The following KIF26B variants were observed in gnomAD, a reference collection of about 807,000 sequenced individuals.
KIF26B encodes the protein kinesin-like protein KIF26B.
A neutral mutation model predicts 151.2 loss-of-function variants in KIF26B; 63 were observed. The observed-to-expected ratio is 0.42, with a 90% CI of 0.34 to 0.51. The LOEUF is 0.51. KIF26B is among the 20% of genes least tolerant of loss of function. The pLI is 0.07. For missense variants in KIF26B, 2,813 were observed against 2,913.6 expected, an observed-to-expected ratio of 0.97 and a Z score of 0.79; for synonymous variants, 1,357 against 1,262.1, an observed-to-expected ratio of 1.08 and a Z score of -1.59.
intron 5 of KIF26B, among the ~76,000 whole-genome samples, chr1:245,574,864 CTTT>C (rs201010492): frequency 6.3e-5 from 8 of 126,286 alleles, no homozygotes; most frequent in Non-Finnish European, 1.2e-4. Flanking sequence ...TTTTTTTTTT[CTTT>C]TTTTTTTTTT....
chr1:245,686,476 A>C lies in KIF26B; in HGVS notation c.3493A>C (p.Lys1165Gln). 1 of 1,613,172 alleles carries C rather than the reference A, an allele frequency of 6.2e-7. No homozygotes were observed. Among genetic ancestry groups the C allele is most frequent in the Non-Finnish European group, 8.5e-7 (1 of 1,179,870 alleles). The change falls in exon 12 of 15, where the codon AAG (lysine) becomes CAG (glutamine). Residue 1165 changes from lysine to glutamine, a missense_variant. Transcript: ENST00000407071. The surrounding 1 kb of genome is among the most constrained non-coding windows in gnomAD (Gnocchi z 5.6). ...GCAGGCAGCTACTCCTTCAGAGTCC[A>C]AGAAGGAGATCCTGAGCACCACGAT... ...EQQAATPSESKKEILSTTMVT... is the reference protein window; with the variant it reads ...EQQAATPSESQKEILSTTMVT...
At chr1:245,550,958 A>C (rs1396375760) in intron 5 of KIF26B, among the ~76,000 whole-genome samples, 2 of 152,194 alleles carry the variant, frequency 1.3e-5, no homozygotes, top group African/African-American at 4.8e-5. Flanking sequence ...AAGCAGGACA[A>C]AGGGCCCTGG....
intron 4 of KIF26B, among the ~76,000 whole-genome samples, chr1:245,480,273 T>TC (rs1266728277): frequency 7.1e-6 from 1 of 140,994 alleles, no homozygotes; most frequent in African/African-American, 2.7e-5. Context: ...AGACCCTGTC[T>TC]CGGGGGGGAG....
At chr1:245,473,108 A>G (rs12134117) in intron 4 of KIF26B, among the ~76,000 whole-genome samples, 11,598 of 152,312 alleles carry the variant, frequency 0.076, 464 homozygotes, top group Middle Eastern at 0.14. Flanking sequence ...TGGCAAATCA[A>G]TACAGTCAAG....
At chr1:245,331,163 C>T (rs1672101949) in intron 2 of KIF26B, among the ~76,000 whole-genome samples, 1 of 152,010 alleles carries the variant, frequency 6.6e-6, no homozygotes, top group Non-Finnish European at 1.5e-5. Flanking sequence ...GAGCCTGCTG[C>T]GGAGGCACAG....
chr1:245,572,557 C>T lies in KIF26B; in HGVS notation c.1351-30020C>T, dbSNP rs543337794. Among the ~76,000 whole-genome samples the T allele has an allele frequency of 3.3e-5, 5 of 152,214 alleles. No homozygotes were observed. The South Asian group carries it at 6.2e-4, about 19-fold the overall frequency. On this transcript the variant is annotated intron_variant, in intron 5 of 14. Coordinates refer to ENST00000407071, the MANE Select transcript of KIF26B (RefSeq NM_018012.4). The surrounding 1 kb of genome is among the most constrained non-coding windows in gnomAD (Gnocchi z 4.2). ...TGAACACTCAGTTAAAATTCCTACT[C>T]GCTGCAGTGGGAAATTTTATGTTAT... is the stretch of plus-strand genomic sequence containing the variant.
intron 2 of KIF26B, among the ~76,000 whole-genome samples, chr1:245,286,987 T>C (rs566555102): frequency 1.3e-5 from 2 of 152,192 alleles, no homozygotes; most frequent in African/African-American, 4.8e-5. Flanking sequence ...CATGTGCCTG[T>C]AATCCCAGCT....
intron 6 of KIF26B, among the ~76,000 whole-genome samples, chr1:245,607,195 A>T (rs945372237): frequency 6.6e-6 from 1 of 152,078 alleles, no homozygotes; most frequent in Admixed American, 6.5e-5. Context: ...TCAAGGTCTC[A>T]CTTGTGAAAT....
intron 10 of KIF26B, among the ~76,000 whole-genome samples, chr1:245,653,353 AG>A (rs1186311562): frequency 6.6e-6 from 1 of 152,194 alleles, no homozygotes; most frequent in Admixed American, 6.5e-5. Context: ...AATGATTTCT[AG>A]TACTTATTTC....
intron 5 of KIF26B, among the ~76,000 whole-genome samples, chr1:245,589,751 A>G (rs2043265768): frequency 6.6e-6 from 1 of 152,130 alleles, no homozygotes; most frequent in South Asian, 2.1e-4. Flanking sequence ...CACCAGACTG[A>G]GTTACTTCTT....
intron 4 of KIF26B, among the ~76,000 whole-genome samples, chr1:245,499,477 G>A (rs1315885565): frequency 6.6e-6 from 1 of 152,202 alleles, no homozygotes; most frequent in Non-Finnish European, 1.5e-5. Flanking sequence ...CGGAAGTGAG[G>A]TAGAGATTAT....
At chr1:245,209,587 G>A (rs554326999) in intron 2 of KIF26B, among the ~76,000 whole-genome samples, 2 of 152,264 alleles carry the variant, frequency 1.3e-5, no homozygotes, top group South Asian at 4.2e-4. Context: ...CTTTTCCCTG[G>A]GGTGAGCCGG....
intron 4 of KIF26B, among the ~76,000 whole-genome samples, chr1:245,522,025 ATG>A (rs1661130476): frequency 1.3e-5 from 2 of 151,524 alleles, no homozygotes; most frequent in Non-Finnish European, 3.0e-5. Context: ...ACCCGCCACC[ATG>A]CCCGGCTAAT....
At chr1:245,383,329 G>A (rs909350354) in intron 3 of KIF26B, among the ~76,000 whole-genome samples, 4 of 152,144 alleles carry the variant, frequency 2.6e-5, no homozygotes, top group African/African-American at 7.2e-5. Context: ...CATCCCTCAC[G>A]TCTGAACACG....
intron 5 of KIF26B, among the ~76,000 whole-genome samples, chr1:245,600,771 T>G (rs1196222872): frequency 6.6e-6 from 1 of 152,150 alleles, no homozygotes; most frequent in Non-Finnish European, 1.5e-5. Flanking sequence ...TGGGCCATGT[T>G]CAGCACTTTA....
chr1:245,314,470 A>G (rs1303877511), intron 2 of KIF26B, among the ~76,000 whole-genome samples: 2 of 152,132 alleles, frequency 1.3e-5, no homozygotes, highest in African/African-American at 4.8e-5. Flanking sequence ...GAAAAAGCAA[A>G]CAAACAAACA....
chr1:245,678,669 G>A lies in KIF26B; in HGVS notation c.2259-5564G>A, dbSNP rs34673063. Among the ~76,000 whole-genome samples the A allele has an allele frequency of 8.2e-4, 124 of 151,896 alleles. 4 individuals are homozygous for A. The South Asian group carries it at 0.011, about 14-fold the overall frequency. On this transcript the variant is annotated intron_variant, in intron 10 of 14. Coordinates refer to ENST00000407071, the MANE Select transcript of KIF26B (RefSeq NM_018012.4). ...ACGAGGTCAGGAGATTGAGACCATC[G>A]TGGCCAACATGGTGAAATCCCGTCT...
intron 5 of KIF26B, among the ~76,000 whole-genome samples, chr1:245,598,145 C>G (rs548952505): frequency 1.3e-5 from 2 of 152,188 alleles, no homozygotes; most frequent in Admixed American, 1.3e-4. Flanking sequence ...ACTCTGTAGC[C>G]TAGAACCTTG....
chr1:245,340,427 ATGGT>A (rs1672313552), intron 2 of KIF26B, among the ~76,000 whole-genome samples: 1 of 151,546 alleles, frequency 6.6e-6, no homozygotes, highest in South Asian at 2.1e-4. Context: ...CTTTTAATCC[ATGGT>A]TGTTTGAATC....
Sources: allele counts gnomAD v4.1 joint callset (sites outside exome capture counted in the v4.1 genomes callset), GRCh38; gene constraint gnomAD v4.1.1; non-coding constraint Gnocchi (gnomAD v3.1); transcripts MANE v1.5; gene names NCBI Gene and HGNC (gene_info 2026-07-23, HGNC 2026-07-21).